Variants in MAGI2 observed in about 807,000 individuals in gnomAD.
MAGI2 encodes the protein membrane-associated guanylate kinase, WW and PDZ domain-containing protein 2.
MAGI2 carries 35 observed loss-of-function variants against 133.3 expected under a neutral mutation model. The observed-to-expected ratio is 0.26, with a 90% CI of 0.20 to 0.35. The LOEUF is 0.35. MAGI2 is among the 10% of genes least tolerant of loss of function. MAGI2 has a pLI of 1.00. For synonymous variants in MAGI2, 729 were observed against 710.6 expected (o/e 1.03, Z -0.41); for missense variants, 1,636 against 1,863.4 (o/e 0.88, Z 2.25).
intron 9 of MAGI2, among the ~76,000 whole-genome samples, chr7:78,341,809 T>A (rs1790406915): frequency 6.6e-6 from 1 of 152,046 alleles, no homozygotes; most frequent in Non-Finnish European, 1.5e-5. Flanking sequence ...AAAAATTAAC[T>A]CAAGATGGAT....
intron 2 of MAGI2, among the ~76,000 whole-genome samples, chr7:78,735,857 T>C (rs994323692): frequency 1.4e-4 from 22 of 152,304 alleles, no homozygotes; most frequent in Middle Eastern, 3.4e-3. Flanking sequence ...AGCTTAATAT[T>C]AGAAATTTTG....
chr7:78,727,047 G>A (rs1254057097), intron 2 of MAGI2, among the ~76,000 whole-genome samples: 3 of 152,116 alleles, frequency 2.0e-5, no homozygotes, highest in Middle Eastern at 3.4e-3. Context: ...GTGTACCTAT[G>A]TATCAGCAGC....
rs142925311 is a variant in MAGI2 at position 79,374,682 on chromosome 7, G to A, written c.301+78338C>T. On this transcript the variant is annotated intron_variant, in intron 1 of 21. Coordinates refer to ENST00000354212, the MANE Select transcript of MAGI2 (RefSeq NM_012301.4). ...GAATTCAGATATGGTGTTTAAAGAA[G>A]AAATGCACACTTTTACTACAATAAT... is the stretch of plus-strand genomic sequence containing the variant. 5.4e-3 allele frequency among the ~76,000 whole-genome samples: 823 copies of A among 151,934 alleles called. 5 individuals carry two copies. Among genetic ancestry groups the A allele is most frequent in the African/African-American group, 0.019 (792 of 41,468 alleles).
At chr7:78,861,025 G>A (rs1377018911) in intron 2 of MAGI2, among the ~76,000 whole-genome samples, 9 of 152,142 alleles carry the variant, frequency 5.9e-5, no homozygotes, top group African/African-American at 2.2e-4. Flanking sequence ...GGCTCCCTGG[G>A]CATGGGACCC....
intron 1 of MAGI2, among the ~76,000 whole-genome samples, chr7:79,338,798 G>A (rs1478622697): frequency 6.6e-6 from 1 of 152,114 alleles, no homozygotes; most frequent in Admixed American, 6.6e-5. Flanking sequence ...AGTGATGGGA[G>A]AGCCTCGTAG....
At chr7:79,194,755 G>A (rs139223051) in intron 1 of MAGI2, among the ~76,000 whole-genome samples, 202 of 150,944 alleles carry the variant, frequency 1.3e-3, no homozygotes, top group African/African-American at 4.6e-3. Context: ...TGAGAATTTC[G>A]TTTCTCTTAG....
intron 2 of MAGI2, among the ~76,000 whole-genome samples, chr7:78,990,972 C>T (rs1470453137): frequency 6.9e-6 from 1 of 145,658 alleles, no homozygotes; most frequent in Non-Finnish European, 1.5e-5. Context: ...TGTCCCCACC[C>T]AAATCTCAAC....
At chr7:78,329,302 C>T (rs1788926161) in intron 9 of MAGI2, among the ~76,000 whole-genome samples, 1 of 152,186 alleles carries the variant, frequency 6.6e-6, no homozygotes, top group Non-Finnish European at 1.5e-5. Flanking sequence ...CACTTATAAA[C>T]AAAGGTCTGC....
At chr7:79,026,805 C>T (rs891716503) in intron 1 of MAGI2, among the ~76,000 whole-genome samples, 1 of 150,732 alleles carries the variant, frequency 6.6e-6, no homozygotes, top group Non-Finnish European at 1.5e-5. Flanking sequence ...CCCCGAGAGG[C>T]GGAGGTTGCA....
chr7:79,324,791 AT>A (rs1381985094), intron 1 of MAGI2, among the ~76,000 whole-genome samples: 1 of 145,862 alleles, frequency 6.9e-6, no homozygotes, highest in African/African-American at 2.5e-5. Context: ...AGTGATCCTC[AT>A]TTTTAAAAAA....
chr7:78,223,280 T>G (rs1789015738), intron 10 of MAGI2, among the ~76,000 whole-genome samples: 2 of 152,204 alleles, frequency 1.3e-5, no homozygotes, highest in Non-Finnish European at 2.9e-5. Context: ...ATTTGTTCTT[T>G]CATTTTTCTT....
At chr7:78,703,926 G>A (rs1185374885) in intron 2 of MAGI2, among the ~76,000 whole-genome samples, 1 of 14,564 alleles carries the variant, frequency 6.9e-5, no homozygotes, top group Non-Finnish European at 1.2e-4. Flanking sequence ...AAATCAACTC[G>A]TTAGATTAAA....
At chr7:78,876,604 A>G (rs1766330105) in intron 2 of MAGI2, among the ~76,000 whole-genome samples, 1 of 152,152 alleles carries the variant, frequency 6.6e-6, no homozygotes, top group Non-Finnish European at 1.5e-5. Flanking sequence ...AATGGAAGGG[A>G]TATGAATGTT....
intron 9 of MAGI2, among the ~76,000 whole-genome samples, chr7:78,339,576 C>T (rs1045561856): frequency 9.2e-5 from 14 of 151,790 alleles, no homozygotes; most frequent in African/African-American, 2.9e-4. Context: ...TGAAATATTT[C>T]ACTGAAGTTC....
intron 9 of MAGI2, among the ~76,000 whole-genome samples, chr7:78,308,533 T>G (rs1314108535): frequency 6.6e-6 from 1 of 152,052 alleles, no homozygotes; most frequent in African/African-American, 2.4e-5. Context: ...CCATCTTTTT[T>G]TTTTTCTTTT....
chr7:79,434,096 A>C (rs749461429), intron 1 of MAGI2, among the ~76,000 whole-genome samples: 8 of 151,966 alleles, frequency 5.3e-5, no homozygotes, highest in Non-Finnish European at 8.8e-5. Context: ...CAAATCTTAT[A>C]CTAGATGAAA....
intron 20 of MAGI2, among the ~76,000 whole-genome samples, chr7:78,123,389 T>C (rs1047354579): frequency 2.6e-5 from 4 of 152,150 alleles, no homozygotes; most frequent in South Asian, 2.1e-4. Context: ...TTTCCCTATA[T>C]ATATCTATGA....
intron 2 of MAGI2, among the ~76,000 whole-genome samples, chr7:78,658,642 C>T (rs768097112): frequency 6.6e-6 from 1 of 152,034 alleles, no homozygotes; most frequent in African/African-American, 2.4e-5. Flanking sequence ...TCCAAATAAC[C>T]CCCTGGTCAA....
intron 1 of MAGI2, among the ~76,000 whole-genome samples, chr7:79,313,240 C>T (rs1838435759): frequency 6.6e-6 from 1 of 152,068 alleles, no homozygotes; most frequent in African/African-American, 2.4e-5. Flanking sequence ...ACACAAAAAC[C>T]AGGCAAACTT....
Sources: allele counts gnomAD v4.1 joint callset (sites outside exome capture counted in the v4.1 genomes callset), GRCh38; gene constraint gnomAD v4.1.1; transcripts MANE v1.5; gene names NCBI Gene and HGNC (gene_info 2026-07-23, HGNC 2026-07-21).